Variants in FBLN2 observed in about 807,000 individuals in gnomAD.
FBLN2 encodes the protein fibulin 2.
In FBLN2, 81 loss-of-function variants were observed where a neutral mutation model predicts 123.7. The ratio of observed to expected loss-of-function variants is 0.65; its 90% confidence interval spans 0.55 to 0.79. FBLN2 has a LOEUF of 0.79. Ranked by LOEUF, FBLN2 falls within the 30% of genes least tolerant of loss-of-function variation. FBLN2 has a pLI of 0.00. For missense variants in FBLN2, 1,603 were observed against 1,681.3 expected (o/e 0.95, Z 0.81); for synonymous variants, 699 against 701.4 (o/e 1.00, Z 0.05).
At chr3:13,620,463 T>C (rs1705811384) in intron 8 of FBLN2, among the ~76,000 whole-genome samples, 1 of 152,194 alleles carries the variant, frequency 6.6e-6, no homozygotes, top group Non-Finnish European at 1.5e-5. Flanking sequence ...TGAAGGACAC[T>C]GGTGATGATT....
intron 5 of FBLN2, among the ~76,000 whole-genome samples, chr3:13,616,829 G>A (rs1705624213): frequency 6.6e-6 from 1 of 152,192 alleles, no homozygotes; most frequent in African/African-American, 2.4e-5. Flanking sequence ...TGGGAGATGG[G>A]TTTATTCCAG....
In FBLN2 at chr3:13,618,212, T is replaced by C. The variant is rs1705702226; in HGVS notation, c.1866T>C (p.Asn622=). The part of the protein sequence containing the change: ...PGELCQHLCI[N]TVGSYHCACF... ...AGCTGTGCCAGCACCTTTGCATCAATACTGTGGGTTCTTACCACTGTGCCT... is the reference window on the plus strand; with the variant it reads ...AGCTGTGCCAGCACCTTTGCATCAACACTGTGGGTTCTTACCACTGTGCCT... Residue 622 remains asparagine, a synonymous_variant, in exon 6 of 18, where the codon AAT becomes AAC. Coordinates refer to ENST00000404922, the MANE Select transcript of FBLN2 (RefSeq NM_001004019.2). 4 of 1,613,800 alleles carry C rather than the reference T, an allele frequency of 2.5e-6. No individual in the cohort carries two copies. Among genetic ancestry groups the C allele is most frequent in the Non-Finnish European group, 3.4e-6 (4 of 1,179,900 alleles).
At chr3:13,572,495 C>T (rs1574951843) in intron 2 of FBLN2, among the ~76,000 whole-genome samples, 1 of 152,260 alleles carries the variant, frequency 6.6e-6, no homozygotes, top group African/African-American at 2.4e-5. Context: ...ACTCCTGACC[C>T]TATATCCTCC....
At chr3:13,564,875 T>A (rs1211387517) in intron 1 of FBLN2, among the ~76,000 whole-genome samples, 1 of 152,190 alleles carries the variant, frequency 6.6e-6, no homozygotes, top group African/African-American at 2.4e-5. Context: ...AGGATGCGTG[T>A]TTGTTTTTGT....
At chr3:13,614,818 A>G (rs930814859) in intron 5 of FBLN2, among the ~76,000 whole-genome samples, 2 of 148,198 alleles carry the variant, frequency 1.3e-5, no homozygotes, top group Non-Finnish European at 3.0e-5. Flanking sequence ...CCATCCATCC[A>G]TTTATCCATC....
Position 13,630,753 on chromosome 3 carries a change from G to T in FBLN2, c.3023G>T (p.Gly1008Val). ...AGCCAGGAGTGTGCCAACATCTATG[G>T]CTCCTACCAGTGCTACTGCCGCCAG... ...RCSQECANIY[G>V]SYQCYCRQGY... The change falls in exon 15 of 18, where the codon GGC becomes GTC. Residue 1008 changes from glycine to valine, a missense_variant. Physicochemically the swap from Gly to Val is moderately radical, Grantham distance 109. Transcript: ENST00000404922. 3 of 1,610,330 alleles carry T rather than the reference G, an allele frequency of 1.9e-6. No individual in the cohort carries two copies. The highest frequency in any genetic ancestry group is 2.5e-6 in the Non-Finnish European group (3 of 1,178,654).
At chr3:13,560,541 T>C (rs1703575170) in intron 1 of FBLN2, among the ~76,000 whole-genome samples, 1 of 152,080 alleles carries the variant, frequency 6.6e-6, no homozygotes, top group Admixed American at 6.6e-5. Context: ...CACAGACCTC[T>C]CCTCATCCTC....
chr3:13,568,646 C>G (rs908739558), intron 1 of FBLN2: 11 of 442,178 alleles, frequency 2.5e-5, no homozygotes, highest in African/African-American at 2.1e-4. Context: ...GGCCCTGCCA[C>G]TCCCTGCCTG....
At position 13,637,702 on chromosome 3, in the gene FBLN2, C is replaced by T. The variant is rs775174044; in HGVS notation, c.3479C>T (p.Thr1160Met). The T allele has an allele frequency of 9.9e-6, 16 of 1,613,908 alleles. No homozygotes were observed. The highest frequency in any genetic ancestry group is 4.0e-5 in the African/African-American group (3 of 74,956). The change falls in exon 18 of 18, where the codon ACG (threonine) becomes ATG (methionine). Residue 1160 changes from threonine to methionine, a missense_variant. Physicochemically the swap from Thr to Met is moderately conservative, Grantham distance 81. Transcript: ENST00000404922. ...IFRIGPAPAF[T>M]GDTIALNIIK... ...CGCATTGGCCCCGCGCCAGCCTTCA[C>T]GGGGGACACCATCGCCCTGAACATC...
intron 1 of FBLN2, among the ~76,000 whole-genome samples, chr3:13,551,793 G>A (rs1208447326): frequency 6.6e-6 from 1 of 151,558 alleles, no homozygotes; most frequent in Non-Finnish European, 1.5e-5. Flanking sequence ...GCCCGCCTCA[G>A]TCTCCCAAAG....
chr3:13,583,088 G>A (rs557384599), intron 2 of FBLN2, among the ~76,000 whole-genome samples: 4 of 152,226 alleles, frequency 2.6e-5, no homozygotes, highest in Non-Finnish European at 4.4e-5. Context: ...CAGCAAACGC[G>A]CGAGCTGCGA....
chr3:13,628,209 A>G (rs1455252473), intron 11 of FBLN2, among the ~76,000 whole-genome samples: 2 of 152,204 alleles, frequency 1.3e-5, no homozygotes, highest in Non-Finnish European at 2.9e-5. Context: ...GTTATTATTC[A>G]GTGGCCTCTG....
chr3:13,605,776 ATCTCTC>A (rs1705183619), intron 2 of FBLN2, among the ~76,000 whole-genome samples: 2 of 152,168 alleles, frequency 1.3e-5, no homozygotes, highest in African/African-American at 2.4e-5. Flanking sequence ...GTGGTGCCAC[ATCTCTC>A]CAGCTGGCCG....
chr3:13,594,856 C>T (rs1352641108), intron 2 of FBLN2, among the ~76,000 whole-genome samples: 1 of 152,090 alleles, frequency 6.6e-6, no homozygotes, highest in Non-Finnish European at 1.5e-5. Flanking sequence ...GGGGAAGGGG[C>T]CAGAGGGGTG....
chr3:13,566,126 C>T (rs1163850372), intron 1 of FBLN2, among the ~76,000 whole-genome samples: 1 of 150,884 alleles, frequency 6.6e-6, no homozygotes, highest in Non-Finnish European at 1.5e-5. Flanking sequence ...GCTCTGACTG[C>T]TGGGACTGTC....
chr3:13,558,081 A>C (rs1405539758), intron 1 of FBLN2, among the ~76,000 whole-genome samples: 1 of 152,220 alleles, frequency 6.6e-6, no homozygotes, highest in Non-Finnish European at 1.5e-5. Context: ...AGGGCCGTGC[A>C]AATAAATTGG....
chr3:13,559,839 C>T (rs1013497663), intron 1 of FBLN2, among the ~76,000 whole-genome samples: 3 of 152,208 alleles, frequency 2.0e-5, no homozygotes, highest in African/African-American at 4.8e-5. Context: ...GGCAGGATCT[C>T]GGTCCAGGAG....
intron 8 of FBLN2, 108 bp from the exon 9 acceptor site, chr3:13,621,667 A>G (rs1705854841): frequency 8.0e-7 from 1 of 1,246,660 alleles, no homozygotes. Context: ...GAGGCCCCAG[A>G]CAGGCCCCTG....
intron 6 of FBLN2, 57 bp from the exon 7 acceptor site, chr3:13,618,847 G>C: frequency 7.5e-7 from 1 of 1,332,348 alleles, no homozygotes; most frequent in Non-Finnish European, 1.1e-6. Flanking sequence ...AGTGCCTGAG[G>C]CCTGGCTGAA....
Sources: allele counts gnomAD v4.1 joint callset (sites outside exome capture counted in the v4.1 genomes callset), GRCh38; gene constraint gnomAD v4.1.1; transcripts MANE v1.5; gene names NCBI Gene and HGNC (gene_info 2026-07-23, HGNC 2026-07-21).